FOLH1: variants seen among roughly 807,000 people sequenced by gnomAD.
The protein encoded by FOLH1 is glutamate carboxypeptidase 2.
A neutral mutation model predicts 93.9 loss-of-function variants in FOLH1; 54 were observed. The ratio of observed to expected loss-of-function variants is 0.57; its 90% CI spans 0.46 to 0.72. FOLH1 has a LOEUF of 0.72. Ranked by LOEUF, FOLH1 falls within the 30% of genes least tolerant of loss-of-function variation. The pLI is 0.00. For synonymous variants in FOLH1, 249 were observed against 303.6 expected (o/e 0.82, Z 1.87); for missense variants, 571 against 892.5 (o/e 0.64, Z 4.59).
At chr11:49,154,688 T>G (rs1856826567) in intron 15 of FOLH1, among the ~76,000 whole-genome samples, 196 bp from the exon 16 acceptor site, 1 of 152,050 alleles carries the variant, frequency 6.6e-6, no homozygotes, top group Non-Finnish European at 1.5e-5. Context: ...AATTAAAATA[T>G]GTGTATATGA....
intron 14 of FOLH1, 80 bp from the exon 15 acceptor site, chr11:49,156,887 C>A: frequency 6.3e-7 from 1 of 1,585,322 alleles, no homozygotes; most frequent in South Asian, 1.1e-5. Flanking sequence ...AAACTAAACC[C>A]CATTCTTACT....
At chr11:49,155,695 A>T (rs11040273) in intron 15 of FOLH1, 20,909 of 151,120 alleles carry the variant, frequency 0.14, 1,856 homozygotes, top group African/African-American at 0.24. Context: ...ATGAAATGGA[A>T]ATAAGAAACA....
chr11:49,160,812 C>A (rs1857613124), intron 13 of FOLH1, among the ~76,000 whole-genome samples: 1 of 152,084 alleles, frequency 6.6e-6, no homozygotes, highest in South Asian at 2.1e-4. Flanking sequence ...TTAGCTGTGT[C>A]CCAGAGATTC....
At chr11:49,169,374 G>A (rs1565159515) in intron 11 of FOLH1, 116 bp from the exon 12 acceptor site, 9 of 842,686 alleles carry the variant, frequency 1.1e-5, no homozygotes, top group African/African-American at 3.5e-5. Context: ...CCATATTAAC[G>A]ACAAATTTGA....
intron 15 of FOLH1, chr11:49,155,640 G>T (rs1856919983): frequency 5.9e-6 from 1 of 168,666 alleles, no homozygotes. Flanking sequence ...CATAAAAGTT[G>T]ACAAAGGTTT....
At chr11:49,169,022 T>C (rs1858845133) in intron 12 of FOLH1, among the ~76,000 whole-genome samples, 173 bp downstream of exon 12, 1 of 152,176 alleles carries the variant, frequency 6.6e-6, no homozygotes, top group Non-Finnish European at 1.5e-5. Flanking sequence ...CCTGTTCACC[T>C]AGGGCTCACC....
intron 4 of FOLH1, among the ~76,000 whole-genome samples, chr11:49,189,358 T>C (rs1861769059): frequency 6.6e-6 from 1 of 152,196 alleles, no homozygotes; most frequent in African/African-American, 2.4e-5. Flanking sequence ...TCATAGCATG[T>C]ACACGACAAA....
intron 1 of FOLH1, chr11:49,206,632 A>C (rs1864000061): frequency 1.5e-6 from 1 of 650,974 alleles, no homozygotes; most frequent in Non-Finnish European, 2.5e-6. Flanking sequence ...CAAATAAATA[A>C]ATTATTTCCA....
chr11:49,183,217 T>G lies in FOLH1; in HGVS notation c.852A>C (p.Ala284=). 1.9e-6 allele frequency: 3 copies of G among 1,613,040 alleles called. No individual in the cohort carries two copies. The South Asian group carries it at 3.3e-5, about 18-fold the overall frequency. The part of the protein sequence containing the change: ...ANEYAYRRGI[A]EAVGLPSIPV... ...GAATACTTGGAAGACCAACAGCCTC[T>G]GCAATTCCACGCCTATAAGCATATT... Residue 284 remains alanine (A), a synonymous_variant, in exon 7 of 19, where the codon GCA becomes GCC. Coordinates refer to ENST00000256999, the MANE Select transcript of FOLH1 (RefSeq NM_004476.3).
chr11:49,204,861 C>T (rs954901662), intron 2 of FOLH1, among the ~76,000 whole-genome samples: 2 of 152,038 alleles, frequency 1.3e-5, no homozygotes, highest in African/African-American at 4.8e-5. Context: ...TTTTAGGACA[C>T]ATGAGCTAAC....
chr11:49,182,045 G>A (rs1257848224), intron 7 of FOLH1, among the ~76,000 whole-genome samples: 2 of 151,998 alleles, frequency 1.3e-5, no homozygotes, highest in Non-Finnish European at 1.5e-5. Flanking sequence ...AAGAATAATG[G>A]TGGCTGGGCG....
Position 49,208,227 on chromosome 11 carries a change from C to T in FOLH1, c.118+65G>A, listed in dbSNP as rs1469873090. The T allele has an allele frequency of 9.1e-6, 11 of 1,205,356 alleles. No homozygotes were observed. The East Asian group carries it at 2.3e-4, about 25-fold the overall frequency. The allele number at this position is 1,205,356 out of a possible 1,614,324, so 74.7% of individuals were successfully genotyped here. A position where few individuals can be genotyped will look rare whatever the true frequency, so the allele number is the denominator to read the frequency against. On this transcript the variant is annotated intron_variant, in intron 1 of 18. Transcript: ENST00000256999. ...AGGATCCCACTCGGCAGCTGACCCG[C>T]GAGTCCCAGCACCGCGGCACCACGG...
chr11:49,184,245 C>G (rs1237763719), intron 6 of FOLH1, among the ~76,000 whole-genome samples: 1 of 152,034 alleles, frequency 6.6e-6, no homozygotes, highest in Non-Finnish European at 1.5e-5. Flanking sequence ...ACAAGATTGA[C>G]AACATGTTGA....
Position 49,208,599 on chromosome 11 carries a change from C to T in FOLH1, c.-190G>A. ...CCACCACAGCAGTGTTTCTAGAGTG[C>T]ACTGAACCAATCCGAGCGAGAGAGA... On this transcript the variant is annotated 5_prime_UTR_variant, in exon 1 of 19. Coordinates refer to ENST00000256999, the MANE Select transcript of FOLH1 (RefSeq NM_004476.3). The T allele has an allele frequency of 2.4e-6, 1 of 421,204 alleles. No individual in the cohort carries two copies. Among genetic ancestry groups the T allele is most frequent in the Non-Finnish European group, 4.2e-6 (1 of 238,256 alleles). 26.1% of individuals were successfully genotyped at this position (421,204 alleles called of 1,614,324 possible).
intron 7 of FOLH1, among the ~76,000 whole-genome samples, chr11:49,180,969 A>G (rs1225115988): frequency 3.3e-5 from 5 of 152,214 alleles, no homozygotes; most frequent in African/African-American, 4.8e-5. Flanking sequence ...TAATTCCATT[A>G]CACAATCAGA....
rs149247047 is a variant in FOLH1 at position 49,187,713 on chromosome 11, A to T, written c.514-944T>A. ...GATGAGCTGTCCAGATTCACGGTCA[A>T]TGAAGGACTTTTTGCTCCAGCTGCA... On this transcript the variant is annotated intron_variant, in intron 4 of 18. Transcript: ENST00000256999. Among the ~76,000 whole-genome samples the T allele has an allele frequency of 3.6e-3, 542 of 152,336 alleles. 8 individuals are homozygous for T. Among genetic ancestry groups the T allele is most frequent in the Admixed American group, 3.9e-3 (59 of 15,302 alleles).
Position 49,171,214 on chromosome 11 carries a change from C to G in FOLH1, c.1289G>C (p.Gly430Ala). 6 of 1,582,100 alleles carry G rather than the reference C, an allele frequency of 3.8e-6. No individual in the cohort carries two copies. Among genetic ancestry groups the G allele is most frequent in the Non-Finnish European group, 5.1e-6 (6 of 1,168,148 alleles). ...ACTAACCTCTGCCCACTCAGTAGAA[C>G]CAAGAAGACCAAATTCTTCTGCATC... ...SWDAEEFGLL[G>A]STEWAEENSR... The change falls in exon 11 of 19, where the codon GGT becomes GCT. Residue 430 changes from glycine to alanine, a missense_variant. Gly to Ala is a moderately conservative substitution (Grantham distance 60). This residue lies in a region of FOLH1 where 500 missense variants were observed against 822.9 expected (regional missense o/e 0.61). Coordinates refer to ENST00000256999, the MANE Select transcript of FOLH1 (RefSeq NM_004476.3).
chr11:49,147,755 C>T (rs117668725), intron 18 of FOLH1, among the ~76,000 whole-genome samples: 1 of 152,144 alleles, frequency 6.6e-6, no homozygotes, highest in African/African-American at 2.4e-5. Flanking sequence ...GACACCCTGT[C>T]GCTACAAATG....
intron 2 of FOLH1, among the ~76,000 whole-genome samples, chr11:49,202,600 C>T (rs746616961): frequency 6.6e-6 from 1 of 152,184 alleles, no homozygotes; most frequent in Non-Finnish European, 1.5e-5. Context: ...CCTGCCTTGT[C>T]CTCCCAAAGA....
Sources: allele counts gnomAD v4.1 joint callset (sites outside exome capture counted in the v4.1 genomes callset), GRCh38; gene constraint gnomAD v4.1.1; regional missense constraint gnomAD v4.1.1; transcripts MANE v1.5; gene names NCBI Gene and HGNC (gene_info 2026-07-23, HGNC 2026-07-21).